Variants in GPCPD1 observed in about 807,000 individuals in gnomAD.
GPCPD1 encodes the protein glycerophosphocholine phosphodiesterase GPCPD1.
A neutral mutation model predicts 89.2 loss-of-function variants in GPCPD1; 29 were observed. The ratio of observed to expected loss-of-function variants is 0.33; its 90% CI spans 0.24 to 0.44. The LOEUF (loss-of-function observed/expected upper bound fraction) is 0.44. Among genes scored for constraint, GPCPD1 ranks in the 20% least tolerant of loss-of-function variants. The pLI, the probability that GPCPD1 is intolerant of heterozygous loss-of-function variation, is 1.00. For synonymous variants in GPCPD1, 258 were observed against 266.3 expected, an observed-to-expected ratio of 0.97 and a Z score of 0.30; for missense variants, 594 against 808.9, an observed-to-expected ratio of 0.73 and a Z score of 3.22.
chr20:5,581,814 C>CTTTTTTTTTTTTTTTTTTTTTTT (rs11479995), intron 6 of GPCPD1, among the ~76,000 whole-genome samples: 2 of 75,016 alleles, frequency 2.7e-5, no homozygotes, highest in African/African-American at 1.5e-4. Context: ...GGGACTTTAA[C>CTTTTTTTTTTTTTTTTTTTTTTT]TTTTTTTTTT....
chr20:5,594,050 T>C lies in GPCPD1; in HGVS notation c.147-639A>G, dbSNP rs183758026. Among the ~76,000 whole-genome samples the C allele has an allele frequency of 1.7e-3, 254 of 152,338 alleles. 1 individual carries two copies. Among genetic ancestry groups the C allele is most frequent in the Non-Finnish European group, 3.1e-3 (210 of 68,028 alleles). ...TGTCTTTCTCTGAACTATGTTATTC[T>C]AACAGAAACTAAAGATTTGACTCAA... On this transcript the variant is annotated intron_variant, in intron 3 of 19. Coordinates refer to ENST00000379019, the MANE Select transcript of GPCPD1 (RefSeq NM_019593.5).
chr20:5,609,133 G>GT (rs1039623268), intron 1 of GPCPD1, among the ~76,000 whole-genome samples: 16 of 152,218 alleles, frequency 1.1e-4, no homozygotes, highest in South Asian at 2.1e-4. Context: ...TAGCTAAAGT[G>GT]TTTTTTTGGC....
chr20:5,610,218 G>T (rs1160851875), intron 1 of GPCPD1, among the ~76,000 whole-genome samples: 1 of 152,200 alleles, frequency 6.6e-6, no homozygotes, highest in Non-Finnish European at 1.5e-5. Flanking sequence ...TTTGGGAAAA[G>T]TAGAGCTTTG....
intron 17 of GPCPD1, among the ~76,000 whole-genome samples, chr20:5,559,545 T>C (rs1206381350): frequency 6.6e-6 from 1 of 152,190 alleles, no homozygotes; most frequent in Non-Finnish European, 1.5e-5. Flanking sequence ...ATCACACCAC[T>C]GCAGCCTGGG....
chr20:5,567,631 A>C, intron 12 of GPCPD1, 71 bp from the exon 13 acceptor site: 3 of 1,338,834 alleles, frequency 2.2e-6, no homozygotes, highest in Non-Finnish European at 3.0e-6. Context: ...TAAGCCCTAA[A>C]TTATTACTGA....
intron 4 of GPCPD1, among the ~76,000 whole-genome samples, chr20:5,590,723 A>C (rs887718237): frequency 2.6e-5 from 4 of 152,138 alleles, no homozygotes; most frequent in African/African-American, 9.7e-5. Context: ...ACAAAATGAC[A>C]AACTAGACTA....
intron 19 of GPCPD1, among the ~76,000 whole-genome samples, chr20:5,552,127 A>C (rs1985449906): frequency 6.6e-6 from 1 of 152,186 alleles, no homozygotes; most frequent in Non-Finnish European, 1.5e-5. Flanking sequence ...TTATCAAACT[A>C]TTTGAATTTT....
At chr20:5,583,280 A>C (rs1220513515) in intron 6 of GPCPD1, among the ~76,000 whole-genome samples, 1 of 149,876 alleles carries the variant, frequency 6.7e-6, no homozygotes, top group African/African-American at 2.5e-5. Context: ...GCAGTGGCTC[A>C]CACCTGTAAT....
intron 4 of GPCPD1, among the ~76,000 whole-genome samples, chr20:5,586,869 A>G (rs183544858): frequency 2.2e-3 from 335 of 152,332 alleles, no homozygotes; most frequent in African/African-American, 7.5e-3. Flanking sequence ...AGAACACGGG[A>G]AATTCTAGAA....
In GPCPD1 at chr20:5,565,014, T is replaced by C; in HGVS notation, c.1329+3A>G. ...CTTGCCTTGGTTTTCCTCAATAACT[T>C]ACCATCTTAAGAGAAGGAAATGGCT... On this transcript the variant is annotated splice_donor_region_variant and intron_variant, in intron 15 of 19. Transcript: ENST00000379019. The C allele has an allele frequency of 1.4e-6, 2 of 1,397,852 alleles. No homozygotes were observed. Among genetic ancestry groups the C allele is most frequent in the African/African-American group, 1.4e-5 (1 of 70,758 alleles). The allele number at this position is 1,397,852 out of a possible 1,614,324, so 86.6% of individuals were successfully genotyped here. A position where few individuals can be genotyped will look rare whatever the true frequency, so the allele number is the denominator to read the frequency against.
chr20:5,562,492 G>C (rs1488471320), intron 15 of GPCPD1, among the ~76,000 whole-genome samples: 2 of 152,144 alleles, frequency 1.3e-5, no homozygotes, highest in Non-Finnish European at 2.9e-5. Flanking sequence ...ATGTTGACTA[G>C]GCCAGTCTGA....
rs780956796 is a variant in GPCPD1, at chr20:5,593,392, T to C, written c.166A>G (p.Ile56Val). 3 of 1,592,272 alleles carry C rather than the reference T, an allele frequency of 1.9e-6. No homozygotes were observed. Among genetic ancestry groups the C allele is most frequent in the Non-Finnish European group, 2.6e-6 (3 of 1,160,872 alleles). The change falls in exon 4 of 20, where the codon ATT becomes GTT. Residue 56 changes from isoleucine (I) to valine (V), a missense_variant. Ile to Val is a conservative substitution (Grantham distance 29, BLOSUM62 3). Coordinates refer to ENST00000379019, the MANE Select transcript of GPCPD1 (RefSeq NM_019593.5). ...TGESMLWKAT[I>V]VLSRGVSVQY... ...ACTGATACTCCTCTACTGAGTACAA[T>C]GGTTGCTTTCCATAGCATGCTGTGA...
In GPCPD1 at chr20:5,554,283, C is replaced by A. The variant is rs1018035230; in HGVS notation, c.1829+3662G>T. Among the ~76,000 whole-genome samples, 4 of 151,868 alleles carry A rather than the reference C, an allele frequency of 2.6e-5. 1 individual carries two copies. Among genetic ancestry groups the A allele is most frequent in the Non-Finnish European group, 5.9e-5 (4 of 68,002 alleles). ...ACAGGCGTGAGCCATCAGGCCCGGC[C>A]GAACAACAGATTTTCAATGTAGACA... On this transcript the variant is annotated intron_variant, in intron 19 of 19. Transcript: ENST00000379019.
At chr20:5,569,596 T>G (rs757505140) in intron 12 of GPCPD1, among the ~76,000 whole-genome samples, 2 of 152,090 alleles carry the variant, frequency 1.3e-5, no homozygotes, top group South Asian at 4.2e-4. Flanking sequence ...TCGCCCTGCC[T>G]GCAGTCTCTG....
chr20:5,550,004 G>A (rs1600706442), intron 19 of GPCPD1, among the ~76,000 whole-genome samples: 1 of 151,782 alleles, frequency 6.6e-6, no homozygotes, highest in African/African-American at 2.4e-5. Context: ...ACCAGCCTGG[G>A]CAACATGGCG....
At chr20:5,583,077 A>T (rs991796685) in intron 6 of GPCPD1, among the ~76,000 whole-genome samples, 1 of 151,924 alleles carries the variant, frequency 6.6e-6, no homozygotes, top group Non-Finnish European at 1.5e-5. Context: ...TCTACTAAAA[A>T]TACAAAATTA....
intron 2 of GPCPD1, among the ~76,000 whole-genome samples, chr20:5,599,046 T>C (rs1979939839): frequency 6.6e-6 from 1 of 152,150 alleles, no homozygotes; most frequent in African/African-American, 2.4e-5. Context: ...GGGGAAGGCA[T>C]ACGGATGAAG....
At chr20:5,592,754 A>G (rs1361051524) in intron 4 of GPCPD1, among the ~76,000 whole-genome samples, 1 of 152,212 alleles carries the variant, frequency 6.6e-6, no homozygotes, top group East Asian at 1.9e-4. Flanking sequence ...TTTTCTGAAT[A>G]TGAAAACAAT....
chr20:5,570,325 C>G, intron 11 of GPCPD1, 86 bp from the exon 12 acceptor site: 1 of 516,412 alleles, frequency 1.9e-6, no homozygotes. Context: ...TTTTTGTTCA[C>G]TATAAAATTA....
Sources: gnomAD v4.1 joint callset for allele counts (sites outside exome capture counted in the v4.1 genomes callset) on GRCh38, gnomAD v4.1.1 for gene constraint, MANE v1.5 for transcripts, NCBI Gene and HGNC (gene_info 2026-07-23, HGNC 2026-07-21) for gene names.